The following CEP83 variants were observed in gnomAD, a reference collection of about 807,000 sequenced individuals.
CEP83 encodes centrosomal protein of 83 kDa.
CEP83 carries 70 observed loss-of-function variants against 101.9 expected under a neutral mutation model. The observed-to-expected ratio is 0.69, with a 90% CI of 0.57 to 0.84. The LOEUF is 0.84. CEP83 is among the 40% of genes least tolerant of loss of function. The pLI is 0.00. For synonymous variants in CEP83, 264 were observed against 267.9 expected, an observed-to-expected ratio of 0.99 and a Z score of 0.14; for missense variants, 715 against 787.2, an observed-to-expected ratio of 0.91 and a Z score of 1.10.
intron 6 of CEP83, among the ~76,000 whole-genome samples, chr12:94,383,723 T>G (rs986248569): frequency 6.6e-6 from 1 of 152,160 alleles, no homozygotes; most frequent in Non-Finnish European, 1.5e-5. Flanking sequence ...TACATGAACA[T>G]ATTTCAGGAT....
chr12:94,420,847 A>C (rs1000623913), intron 2 of CEP83, among the ~76,000 whole-genome samples: 1 of 152,158 alleles, frequency 6.6e-6, no homozygotes, highest in Non-Finnish European at 1.5e-5. Flanking sequence ...ACTATAGTAT[A>C]TAGGGGATAC....
chr12:94,390,192 T>C (rs2062430779), intron 6 of CEP83, among the ~76,000 whole-genome samples: 1 of 152,180 alleles, frequency 6.6e-6, no homozygotes, highest in South Asian at 2.1e-4. Context: ...CCGTGTAGCA[T>C]AACTGGGAGA....
At chr12:94,426,426 T>C (rs527422238) in intron 2 of CEP83, among the ~76,000 whole-genome samples, 40 of 152,330 alleles carry the variant, frequency 2.6e-4, no homozygotes, top group African/African-American at 8.7e-4. Context: ...ACTTTGTCCA[T>C]GACAAGAAAC....
At chr12:94,335,384 T>G (rs1207101666) in intron 12 of CEP83, among the ~76,000 whole-genome samples, 4 of 152,020 alleles carry the variant, frequency 2.6e-5, no homozygotes, top group Non-Finnish European at 5.9e-5. Flanking sequence ...TTAAGAATAA[T>G]AGCAGTTAGC....
chr12:94,303,696 T>TG, downstream of CEP83: 1 of 717,844 alleles, frequency 1.4e-6, no homozygotes, highest in South Asian at 3.0e-5. Context: ...CCTCCATCTT[T>TG]TTTTTTTTTT....
intron 1 of CEP83, among the ~76,000 whole-genome samples, chr12:94,437,041 G>A (rs895737896): frequency 2.0e-5 from 3 of 151,956 alleles, no homozygotes; most frequent in Non-Finnish European, 4.4e-5. Context: ...TAGATATCTA[G>A]ACATCCAAAT....
chr12:94,323,178 A>G (rs2058822445), intron 14 of CEP83, among the ~76,000 whole-genome samples: 1 of 152,094 alleles, frequency 6.6e-6, no homozygotes, highest in Non-Finnish European at 1.5e-5. Context: ...TATCCCCTGT[A>G]TACAGCCTCT....
At chr12:94,363,872 TGG>T (rs2060895981) in intron 11 of CEP83, among the ~76,000 whole-genome samples, 1 of 148,726 alleles carries the variant, frequency 6.7e-6, no homozygotes, top group Non-Finnish European at 1.5e-5. Context: ...GGCTTGAACC[TGG>T]GAGACAGAGG....
At chr12:94,318,362 A>G (rs1441089567) in intron 14 of CEP83, among the ~76,000 whole-genome samples, 1 of 152,184 alleles carries the variant, frequency 6.6e-6, no homozygotes, top group East Asian at 1.9e-4. Flanking sequence ...GCAAACATGA[A>G]TAGTTTCACT....
chr12:94,334,508 C>A (rs1049846033), intron 12 of CEP83, among the ~76,000 whole-genome samples: 3 of 152,102 alleles, frequency 2.0e-5, no homozygotes, highest in African/African-American at 7.2e-5. Context: ...CTTTCACTTC[C>A]TTTTATCTCT....
intron 6 of CEP83, among the ~76,000 whole-genome samples, chr12:94,385,472 G>A (rs2062087962): frequency 6.6e-6 from 1 of 152,118 alleles, no homozygotes. Flanking sequence ...GGCAGAGGAT[G>A]GGAGCCCTTG....
the CEP83 span, among the ~76,000 whole-genome samples, chr12:94,281,370 A>G: frequency 6.6e-6 from 1 of 152,198 alleles, no homozygotes; most frequent in Non-Finnish European, 1.5e-5. Flanking sequence ...AAAAACGCAG[A>G]TGCCCAAAGG....
At chr12:94,287,776 C>T in the CEP83 span, among the ~76,000 whole-genome samples, 5 of 152,188 alleles carry the variant, frequency 3.3e-5, no homozygotes, top group African/African-American at 9.6e-5. Context: ...ACTGGACAAT[C>T]GCTAAAGGTC....
At chr12:94,435,189 C>A (rs2065902961) in intron 2 of CEP83, 86 bp downstream of exon 2, 1 of 152,156 alleles carries the variant, frequency 6.6e-6, no homozygotes, top group African/African-American at 2.4e-5. Context: ...ATAACAGAAG[C>A]TCAAAGATGG....
intron 15 of CEP83, among the ~76,000 whole-genome samples, chr12:94,310,666 GTA>G (rs1349890863): frequency 6.6e-6 from 1 of 152,094 alleles, no homozygotes; most frequent in African/African-American, 2.4e-5. Context: ...ATAAAAATCT[GTA>G]TATAAGTAGA....
intron 2 of CEP83, among the ~76,000 whole-genome samples, chr12:94,427,609 A>G (rs1566176045): frequency 6.6e-6 from 1 of 152,218 alleles, no homozygotes; most frequent in Non-Finnish European, 1.5e-5. Flanking sequence ...AAAATATTCA[A>G]AAAAGCACAG....
At chr12:94,311,576 G>A in intron 15 of CEP83, among the ~76,000 whole-genome samples, 1 of 152,128 alleles carries the variant, frequency 6.6e-6, no homozygotes, top group East Asian at 1.9e-4. Flanking sequence ...CGTGTCCACT[G>A]GAAAACTGAT....
intron 2 of CEP83, among the ~76,000 whole-genome samples, chr12:94,420,406 A>C (rs186864261): frequency 6.6e-6 from 1 of 152,198 alleles, no homozygotes; most frequent in Non-Finnish European, 1.5e-5. Flanking sequence ...AGTTGAAGAA[A>C]CGAATAGTGG....
chr12:94,314,346 C>G (rs1970333269), intron 14 of CEP83, among the ~76,000 whole-genome samples: 1 of 152,162 alleles, frequency 6.6e-6, no homozygotes, highest in Non-Finnish European at 1.5e-5. Flanking sequence ...GCCAGAAGGG[C>G]CCCTACCTTT....
Sources: gnomAD v4.1 joint callset for allele counts (sites outside exome capture counted in the v4.1 genomes callset) on GRCh38, gnomAD v4.1.1 for gene constraint, MANE v1.5 for transcripts, NCBI Gene and HGNC (gene_info 2026-07-23, HGNC 2026-07-21) for gene names.